Variants in FARS2 observed in about 807,000 individuals in gnomAD.
FARS2 encodes the protein phenylalanyl-tRNA synthetase 2, mitochondrial.
A neutral mutation model predicts 46.4 loss-of-function variants in FARS2; 40 were observed. The observed-to-expected ratio is 0.86, with a 90% CI of 0.67 to 1.12. FARS2 has a LOEUF of 1.12. Ranked by LOEUF, FARS2 falls within the 50% of genes most tolerant of loss-of-function variation. The probability of loss-of-function intolerance (pLI) is 0.00; values close to 1 mark genes in which losing one functional copy is unlikely to be tolerated. For missense variants in FARS2, 513 were observed against 567.9 expected (o/e 0.90, Z 0.98); for synonymous variants, 234 against 214.9 (o/e 1.09, Z -0.78).
intron 6 of FARS2, among the ~76,000 whole-genome samples, chr6:5,744,083 A>T (rs1159207411): frequency 6.6e-6 from 1 of 152,192 alleles, no homozygotes; most frequent in Non-Finnish European, 1.5e-5. Context: ...GATAACCCAA[A>T]TGGGAACAGT....
intron 1 of FARS2, among the ~76,000 whole-genome samples, chr6:5,320,528 G>C (rs192745370): frequency 7.9e-5 from 12 of 152,326 alleles, no homozygotes; most frequent in Admixed American, 5.9e-4. Context: ...ACCACTTAAG[G>C]TGGTACTGTG....
intron 6 of FARS2, among the ~76,000 whole-genome samples, chr6:5,728,603 G>T (rs955692262): frequency 6.6e-6 from 1 of 152,188 alleles, no homozygotes; most frequent in East Asian, 1.9e-4. Context: ...GCCGTGGATA[G>T]CTATAACTAG....
chr6:5,359,151 C>T (rs1394816877), intron 1 of FARS2, among the ~76,000 whole-genome samples: 2 of 150,492 alleles, frequency 1.3e-5, no homozygotes, highest in South Asian at 2.1e-4. Flanking sequence ...GCTATTCTCC[C>T]GCCTCAGCCT....
intron 6 of FARS2, among the ~76,000 whole-genome samples, chr6:5,618,546 A>G (rs1248268909): frequency 6.6e-6 from 1 of 152,216 alleles, no homozygotes; most frequent in Admixed American, 6.5e-5. Context: ...AGATCCCAAG[A>G]TGTTTCAGGG....
At chr6:5,713,469 T>C (rs1373280759) in intron 6 of FARS2, among the ~76,000 whole-genome samples, 5 of 152,248 alleles carry the variant, frequency 3.3e-5, no homozygotes, top group Admixed American at 6.5e-5. Context: ...ACAGACCTGC[T>C]CACCTTACAA....
chr6:5,628,771 C>T (rs1288369801), intron 6 of FARS2, among the ~76,000 whole-genome samples: 1 of 152,230 alleles, frequency 6.6e-6, no homozygotes, highest in African/African-American at 2.4e-5. Context: ...CCGCATGCTG[C>T]CCTTCCCACA....
At chr6:5,616,116 C>G (rs1775469455) in intron 6 of FARS2, among the ~76,000 whole-genome samples, 1 of 150,780 alleles carries the variant, frequency 6.6e-6, no homozygotes, top group Non-Finnish European at 1.5e-5. Flanking sequence ...CTTCTCTTCA[C>G]TTCCTCTCAT....
intron 4 of FARS2, chr6:5,451,717 G>T (rs751674227): frequency 6.6e-6 from 1 of 152,200 alleles, no homozygotes; most frequent in Non-Finnish European, 1.5e-5. Flanking sequence ...CATATGTATG[G>T]TTTATTCAGC....
At chr6:5,268,098 A>ATAT (rs1255853687) in intron 1 of FARS2, among the ~76,000 whole-genome samples, 1 of 151,988 alleles carries the variant, frequency 6.6e-6, no homozygotes, top group African/African-American at 2.4e-5. Context: ...TAGATTCTGG[A>ATAT]TATTAGCCCT....
chr6:5,554,760 A>ATACT (rs377110375), intron 5 of FARS2, among the ~76,000 whole-genome samples: 58 of 152,324 alleles, frequency 3.8e-4, no homozygotes, highest in African/African-American at 1.3e-3. Flanking sequence ...GTCAGCAAGT[A>ATACT]GTTCAACCAT....
chr6:5,600,321 C>G (rs1017024957), intron 5 of FARS2, among the ~76,000 whole-genome samples: 3 of 152,096 alleles, frequency 2.0e-5, no homozygotes, highest in African/African-American at 7.2e-5. Flanking sequence ...TGATGAGTCT[C>G]GTGTGGTTTC....
intron 5 of FARS2, among the ~76,000 whole-genome samples, chr6:5,549,874 G>T (rs564884759): frequency 3.3e-5 from 5 of 152,198 alleles, no homozygotes; most frequent in Non-Finnish European, 5.9e-5. Flanking sequence ...CCTATCCCAA[G>T]GTCCCACAAA....
At chr6:5,384,962 G>T (rs1348516128) in intron 2 of FARS2, among the ~76,000 whole-genome samples, 1 of 152,130 alleles carries the variant, frequency 6.6e-6, no homozygotes, top group Non-Finnish European at 1.5e-5. Context: ...TGCAGTATAG[G>T]GCTTTAGTGC....
intron 3 of FARS2, among the ~76,000 whole-genome samples, chr6:5,413,103 A>C (rs537118366): frequency 1.2e-4 from 19 of 152,288 alleles, no homozygotes; most frequent in African/African-American, 4.3e-4. Context: ...AAGTGGGAAA[A>C]TATATACTAG....
intron 4 of FARS2, among the ~76,000 whole-genome samples, chr6:5,525,134 C>T (rs1049663435): frequency 3.9e-5 from 6 of 151,918 alleles, no homozygotes; most frequent in East Asian, 1.9e-4. Context: ...TGGCTGCCGA[C>T]GTACAGCCTC....
intron 3 of FARS2, among the ~76,000 whole-genome samples, chr6:5,420,323 C>G (rs1049138079): frequency 2.6e-5 from 4 of 152,160 alleles, no homozygotes; most frequent in Non-Finnish European, 5.9e-5. Flanking sequence ...ATTTCAAAAC[C>G]AATCATGCCT....
At chr6:5,392,157 T>C (rs1240275677) in intron 2 of FARS2, among the ~76,000 whole-genome samples, 1 of 152,226 alleles carries the variant, frequency 6.6e-6, no homozygotes, top group African/African-American at 2.4e-5. Flanking sequence ...GATGTCTAAT[T>C]GGCTGAGTGA....
intron 1 of FARS2, among the ~76,000 whole-genome samples, chr6:5,304,827 C>G (rs889429636): frequency 1.3e-5 from 2 of 152,112 alleles, no homozygotes; most frequent in Admixed American, 1.3e-4. Context: ...ATAGGTGTTT[C>G]CTCTTTCCCT....
At chr6:5,741,357 G>C (rs1211540508) in intron 6 of FARS2, among the ~76,000 whole-genome samples, 1 of 152,234 alleles carries the variant, frequency 6.6e-6, no homozygotes, top group Non-Finnish European at 1.5e-5. Context: ...TCATGCAACA[G>C]CTTCGCCTAT....
Sources: allele counts gnomAD v4.1 joint callset (sites outside exome capture counted in the v4.1 genomes callset), GRCh38; gene constraint gnomAD v4.1.1; transcripts MANE v1.5; gene names NCBI Gene and HGNC (gene_info 2026-07-23, HGNC 2026-07-21).